ALX4: variants seen among roughly 807,000 people sequenced by gnomAD.
The protein encoded by ALX4 is ALX homeobox 4.
In ALX4, 22 loss-of-function variants were observed where a neutral mutation model predicts 40.6. The ratio of observed to expected loss-of-function variants is 0.54; its 90% CI spans 0.39 to 0.77. ALX4 has a LOEUF of 0.77. Ranked by LOEUF, ALX4 falls within the 30% of genes least tolerant of loss-of-function variation. ALX4 has a pLI of 0.00. For missense variants in ALX4, 556 were observed against 564.8 expected (o/e 0.98, Z 0.16); for synonymous variants, 266 against 240.5 (o/e 1.11, Z -0.98).
intron 3 of ALX4, among the ~76,000 whole-genome samples, chr11:44,266,589 C>T (rs942214498): frequency 2.6e-5 from 4 of 152,134 alleles, no homozygotes; most frequent in South Asian, 2.1e-4. Flanking sequence ...GAGGCAGGGG[C>T]GCCCGTGCTA....
intron 3 of ALX4, 32 bp downstream of exon 3, chr11:44,267,462 G>T (rs114123605): frequency 1.2e-6 from 2 of 1,611,972 alleles, no homozygotes; most frequent in African/African-American, 1.3e-5. Flanking sequence ...AGGGGCTGGG[G>T]ATCGGTGGCG....
At position 44,275,355 on chromosome 11, in the gene ALX4, C is replaced by T. The variant is rs200419726; in HGVS notation, c.770G>A (p.Arg257His). 3.5e-5 allele frequency: 57 copies of T among 1,614,052 alleles called. No homozygotes were observed. Among genetic ancestry groups the T allele is most frequent in the East Asian group, 4.5e-5 (2 of 44,888 alleles). Residue 257 changes from arginine to histidine, a missense_variant, in exon 2 of 4, where the codon CGC becomes CAC. By Grantham distance (29) the Arg-to-His change is conservative. Transcript: ENST00000652299. ...LAMRTDLTEARVQVWFQNRRA... is the reference protein window; with the variant it reads ...LAMRTDLTEAHVQVWFQNRRA... ...CAGGTGGCCCTCACTGACCTGCACG[C>T]GGGCCTCAGTGAGGTCTGTCCTCAT...
In ALX4 at chr11:44,310,066, T is replaced by G; in HGVS notation, c.-4A>C. 6.3e-7 allele frequency: 1 copy of G among 1,579,870 alleles called. No homozygotes were observed. The highest frequency in any genetic ancestry group is 8.6e-7 in the Non-Finnish European group (1 of 1,160,918). The stretch of plus-strand genomic sequence containing the variant: ...AGACGCAAGTCTCAGCATTCATGCC[T>G]GGCTTGCGCAGGCGGCGGGCGGGGA... On this transcript the variant is annotated 5_prime_UTR_variant, in exon 1 of 4. Transcript: ENST00000652299.
Position 44,265,042 on chromosome 11 carries a change from G to A in ALX4, c.1048C>T (p.Leu350=), listed in dbSNP as rs1180383978. The A allele has an allele frequency of 1.2e-6, 2 of 1,613,114 alleles. No individual in the cohort carries two copies. Among genetic ancestry groups the A allele is most frequent in the African/African-American group, 1.3e-5 (1 of 75,064 alleles). The change falls in exon 4 of 4, where the codon CTG becomes TTG. Residue 350 remains leucine (L), a synonymous_variant. Transcript: ENST00000652299. ...TGACTGCCAGCCCCAGACACACTCA[G>A]GAAGTCGGTGACGCTGCTGGCCCCA... ...GSGASSVTDF[L]SVSGAGSHVG... is the part of the protein sequence containing the mutation.
At chr11:44,307,738 C>T (rs368277796) in intron 1 of ALX4, among the ~76,000 whole-genome samples, 18 of 152,298 alleles carry the variant, frequency 1.2e-4, no homozygotes, top group Admixed American at 7.2e-4. Flanking sequence ...ACAGCCAGTA[C>T]GGACAGGGCT....
chr11:44,308,323 C>T lies in ALX4; in HGVS notation c.466+1274G>A, dbSNP rs181730784. Among the ~76,000 whole-genome samples the T allele has an allele frequency of 1.0e-3, 159 of 152,370 alleles. 2 individuals carry two copies. The highest frequency in any genetic ancestry group is 4.1e-4 in the South Asian group (2 of 4,830). ...CTGAATACGAGAAAATATCTGCCAT[C>T]GGCTGTTTTCCCAAAGTTATTCTAG... On this transcript the variant is annotated intron_variant, in intron 1 of 3. Coordinates refer to ENST00000652299, the MANE Select transcript of ALX4 (RefSeq NM_021926.4).
intron 1 of ALX4, among the ~76,000 whole-genome samples, chr11:44,304,713 G>A (rs1235335335): frequency 6.6e-6 from 1 of 152,214 alleles, no homozygotes; most frequent in Non-Finnish European, 1.5e-5. Context: ...AAAGCTGCGC[G>A]CGGCTGAGGG....
intron 1 of ALX4, among the ~76,000 whole-genome samples, chr11:44,284,831 C>G (rs7939723): frequency 6.6e-6 from 1 of 151,816 alleles, no homozygotes; most frequent in East Asian, 1.9e-4. Context: ...ACTTTTCTTT[C>G]GCATTACAAA....
At chr11:44,277,858 C>T (rs187077393) in intron 1 of ALX4, among the ~76,000 whole-genome samples, 35 of 152,326 alleles carry the variant, frequency 2.3e-4, no homozygotes, top group Admixed American at 1.3e-3. Flanking sequence ...ACCGGCCCAG[C>T]GGCATCACGC....
chr11:44,301,598 C>T (rs936764920), intron 1 of ALX4, among the ~76,000 whole-genome samples: 2 of 152,224 alleles, frequency 1.3e-5, no homozygotes, highest in African/African-American at 4.8e-5. Context: ...CTGCAAGCAT[C>T]TGCCCTATTT....
rs575331512 is a variant in ALX4 at position 44,272,729 on chromosome 11, A to G, written c.777+2619T>C. On this transcript the variant is annotated intron_variant, in intron 2 of 3. Coordinates refer to ENST00000652299, the MANE Select transcript of ALX4 (RefSeq NM_021926.4). ...GAGGCTGAGGCATGAGAATCGCTTG[A>G]ACCCAGGAGGTGGAGGCCGCAGTGA... Among the ~76,000 whole-genome samples, 12 of 151,992 alleles carry G rather than the reference A, an allele frequency of 7.9e-5. No homozygotes were observed. In the South Asian group the frequency reaches 2.5e-3, roughly 32 times the overall value.
rs781687811 is a variant in ALX4 at position 44,309,888 on chromosome 11, C to A, written c.175G>T (p.Asp59Tyr). 6.3e-7 allele frequency: 1 copy of A among 1,580,014 alleles called. No individual in the cohort carries two copies. Among genetic ancestry groups the A allele is most frequent in the Non-Finnish European group, 8.6e-7 (1 of 1,162,304 alleles). ...CCGTAACGGGCCCGGCTCTTGGCGT[C>A]CCCGAATCCCTGTGCTTTGGCGGCG... ...SAAAKAQGFG[D>Y]AKSRARYGAG... Residue 59 changes from aspartate to tyrosine, a missense_variant, in exon 1 of 4, where the codon GAC becomes TAC. Transcript: ENST00000652299.
At position 44,309,711 on chromosome 11, in the gene ALX4, C is replaced by A; in HGVS notation, c.352G>T (p.Ala118Ser). The change falls in exon 1 of 4, where the codon GCG (alanine) becomes TCG (serine). Residue 118 changes from alanine (A) to serine (S), a missense_variant. Ala to Ser is a moderately conservative substitution (Grantham distance 99). Coordinates refer to ENST00000652299, the MANE Select transcript of ALX4 (RefSeq NM_021926.4). ...QQQQPQPQPPAQPHLYLQRGA... is the reference protein window; with the variant it reads ...QQQQPQPQPPSQPHLYLQRGA... The stretch of plus-strand genomic sequence containing the variant: ...CGCTGCAAGTAAAGATGCGGTTGCG[C>A]GGGCGGCTGGGGCTGCGGCTGCTGC... The A allele has an allele frequency of 6.3e-7, 1 of 1,576,914 alleles. No individual in the cohort carries two copies. The highest frequency in any genetic ancestry group is 1.4e-5 in the African/African-American group (1 of 73,502).
At chr11:44,309,521 A>T in intron 1 of ALX4, 76 bp downstream of exon 1, 1 of 1,524,576 alleles carries the variant, frequency 6.6e-7, no homozygotes, top group Non-Finnish European at 8.8e-7. Flanking sequence ...ACCTCCCGCA[A>T]GCCACCAGTT....
intron 1 of ALX4, among the ~76,000 whole-genome samples, chr11:44,285,353 G>A (rs530420097): frequency 3.3e-5 from 5 of 152,316 alleles, no homozygotes; most frequent in Admixed American, 2.6e-4. Flanking sequence ...TAATGGTTAC[G>A]TAGCGAGAAC....
chr11:44,278,090 G>A (rs1405180140), intron 1 of ALX4, among the ~76,000 whole-genome samples: 1 of 150,540 alleles, frequency 6.6e-6, no homozygotes, highest in Non-Finnish European at 1.5e-5. Flanking sequence ...CTGGAAGCCA[G>A]ATGAGGGGCT....
chr11:44,281,212 C>T (rs931981328), intron 1 of ALX4, among the ~76,000 whole-genome samples: 9 of 151,888 alleles, frequency 5.9e-5, no homozygotes, highest in Admixed American at 3.9e-4. Context: ...GATGTACACC[C>T]GAGGGCCTGT....
chr11:44,292,820 G>A (rs533564790), intron 1 of ALX4, among the ~76,000 whole-genome samples: 5 of 152,070 alleles, frequency 3.3e-5, no homozygotes, highest in African/African-American at 4.8e-5. Flanking sequence ...TTTTGGCCCC[G>A]CATGGTAGCT....
chr11:44,267,706 T>C (rs1956221739), intron 2 of ALX4, 84 bp from the exon 3 acceptor site: 1 of 1,592,384 alleles, frequency 6.3e-7, no homozygotes, highest in Admixed American at 1.7e-5. Flanking sequence ...ACTGTTCCCT[T>C]GAGCCCCCCA....
Sources: allele counts gnomAD v4.1 joint callset (sites outside exome capture counted in the v4.1 genomes callset), GRCh38; gene constraint gnomAD v4.1.1; transcripts MANE v1.5; gene names NCBI Gene and HGNC (gene_info 2026-07-23, HGNC 2026-07-21).